The following PCDH7 variants were observed in gnomAD, a reference collection of about 807,000 sequenced individuals.
The protein encoded by PCDH7 is protocadherin-7.
PCDH7 carries 17 observed loss-of-function variants against 58.9 expected under a neutral mutation model. That is an observed-to-expected ratio of 0.29 (90% CI 0.20 to 0.43). The LOEUF (loss-of-function observed/expected upper bound fraction) is 0.43, where lower values mean the gene tolerates loss of function less well. Among genes scored for constraint, PCDH7 ranks in the 20% least tolerant of loss-of-function variants. The pLI, the probability that PCDH7 is intolerant of heterozygous loss-of-function variation, is 1.00. For missense variants in PCDH7, 1,274 were observed against 1,441.0 expected, an observed-to-expected ratio of 0.88 and a Z score of 1.88; for synonymous variants, 664 against 616.4, an observed-to-expected ratio of 1.08 and a Z score of -1.14.
intron 1 of PCDH7, among the ~76,000 whole-genome samples, chr4:30,829,864 G>A (rs1729558834): frequency 6.6e-6 from 1 of 152,010 alleles, no homozygotes; most frequent in Non-Finnish European, 1.5e-5. Context: ...GTTGTTATAT[G>A]GACCACTTTA....
At chr4:31,062,875 C>T (rs1048218717) in intron 3 of PCDH7, among the ~76,000 whole-genome samples, 1 of 151,652 alleles carries the variant, frequency 6.6e-6, no homozygotes, top group East Asian at 1.9e-4. Context: ...AAGGAACCAC[C>T]AAGTTTTGTT....
intron 1 of PCDH7, among the ~76,000 whole-genome samples, chr4:30,917,361 T>C (rs1026379796): frequency 3.3e-5 from 5 of 152,148 alleles, no homozygotes; most frequent in Non-Finnish European, 7.4e-5. Context: ...AAATTTATTA[T>C]TCAAAACTGT....
intron 2 of PCDH7, among the ~76,000 whole-genome samples, chr4:30,927,665 C>T (rs539103857): frequency 1.3e-5 from 2 of 152,028 alleles, no homozygotes; most frequent in Non-Finnish European, 1.5e-5. Context: ...GCAGCATGCT[C>T]GTTAAGAGTC....
In PCDH7 at chr4:30,815,166, A is replaced by ATCCT. The variant is rs1337366300; in HGVS notation, c.70+90572_70+90573insCTTC. Among the ~76,000 whole-genome samples the ATCCT allele has an allele frequency of 1.1e-3, 164 of 151,876 alleles. 2 individuals carry two copies. The highest frequency in any genetic ancestry group is 3.8e-3 in the African/African-American group (156 of 41,466). ...TATAAATTATAATGAAAAAAGAAGGATCTTTTTTCATTATAATTTATATAT... is the reference window on the plus strand; with the variant it reads ...TATAAATTATAATGAAAAAAGAAGGATCCTTCTTTTTTCATTATAATTTATATAT... On this transcript the variant is annotated intron_variant, in intron 1 of 3. Coordinates refer to the PCDH7 transcript ENST00000509759.
chr4:31,061,685 T>C (rs1757702951), intron 3 of PCDH7, among the ~76,000 whole-genome samples: 1 of 151,718 alleles, frequency 6.6e-6, no homozygotes. Flanking sequence ...TTAAATTCAG[T>C]GTAACAGAAT....
At chr4:30,912,843 T>C (rs912567345) in intron 1 of PCDH7, among the ~76,000 whole-genome samples, 2 of 152,144 alleles carry the variant, frequency 1.3e-5, no homozygotes, top group African/African-American at 4.8e-5. Flanking sequence ...ATATTTTCTG[T>C]TTTACTGTAA....
chr4:30,909,998 A>G (rs1741518124), intron 1 of PCDH7, among the ~76,000 whole-genome samples: 1 of 152,166 alleles, frequency 6.6e-6, no homozygotes, highest in Admixed American at 6.5e-5. Flanking sequence ...ATGGAACAGA[A>G]TGGAGGCCTC....
At chr4:31,143,531 A>G (rs940408970), downstream of PCDH7, 8 of 152,230 alleles carry the variant, frequency 5.3e-5, no homozygotes, top group African/African-American at 1.9e-4. Context: ...GGTCAAGAGC[A>G]TCAACTTCAA....
At chr4:30,947,171 A>G (rs1468216227) in intron 2 of PCDH7, among the ~76,000 whole-genome samples, 4 of 152,156 alleles carry the variant, frequency 2.6e-5, no homozygotes, top group Non-Finnish European at 4.4e-5. Context: ...TACCATGATC[A>G]TACATTTTTC....
intron 3 of PCDH7, among the ~76,000 whole-genome samples, chr4:31,000,347 T>C (rs762244683): frequency 7.2e-5 from 11 of 152,268 alleles, no homozygotes; most frequent in African/African-American, 2.6e-4. Context: ...TAGGAAAGTC[T>C]GAAATATATA....
At chr4:30,995,147 T>C (rs2109129111) in intron 3 of PCDH7, among the ~76,000 whole-genome samples, 1 of 152,340 alleles carries the variant, frequency 6.6e-6, no homozygotes, top group South Asian at 2.1e-4. Context: ...TGTTCTTATG[T>C]GGGATTTACA....
At chr4:30,926,797 C>G (rs1743931764) in intron 2 of PCDH7, among the ~76,000 whole-genome samples, 1 of 152,118 alleles carries the variant, frequency 6.6e-6, no homozygotes, top group Non-Finnish European at 1.5e-5. Flanking sequence ...ACATTCTTTT[C>G]TCTTTTTTTA....
intron 3 of PCDH7, among the ~76,000 whole-genome samples, chr4:31,078,212 C>A (rs1010789026): frequency 3.3e-5 from 5 of 152,060 alleles, no homozygotes; most frequent in Non-Finnish European, 1.5e-5. Context: ...CTTATGTGAA[C>A]CTTTCAAAAG....
At chr4:31,071,591 G>A (rs1758549434) in intron 3 of PCDH7, among the ~76,000 whole-genome samples, 1 of 151,904 alleles carries the variant, frequency 6.6e-6, no homozygotes, top group Admixed American at 6.6e-5. Flanking sequence ...TTGATGTTTG[G>A]CAAATCAATT....
intron 1 of PCDH7, among the ~76,000 whole-genome samples, chr4:30,750,125 A>G (rs1444569648): frequency 6.6e-6 from 1 of 152,280 alleles, no homozygotes; most frequent in Non-Finnish European, 1.5e-5. Flanking sequence ...AGATAATGCC[A>G]TGTTAGGGAA....
chr4:30,923,024 TA>T (rs1325461643), intron 2 of PCDH7, among the ~76,000 whole-genome samples: 1 of 152,174 alleles, frequency 6.6e-6, no homozygotes, highest in Non-Finnish European at 1.5e-5. Flanking sequence ...TTGTCACATT[TA>T]ATTGGAATCC....
At chr4:31,139,627 A>T (rs1578901696) in intron 3 of PCDH7, among the ~76,000 whole-genome samples, 2 of 152,332 alleles carry the variant, frequency 1.3e-5, no homozygotes, top group East Asian at 3.9e-4. Context: ...AAAATAAGAA[A>T]ATATGTAAAC....
intron 3 of PCDH7, among the ~76,000 whole-genome samples, chr4:30,967,398 T>C (rs7672083): frequency 0.037 from 5,606 of 152,204 alleles, 314 homozygotes; most frequent in African/African-American, 0.12. Flanking sequence ...TTCTCGTGGT[T>C]GATATTATTT....
chr4:31,126,291 G>A (rs1420762562), intron 3 of PCDH7, among the ~76,000 whole-genome samples: 1 of 151,842 alleles, frequency 6.6e-6, no homozygotes, highest in Non-Finnish European at 1.5e-5. Flanking sequence ...GTGTAGCTAG[G>A]ATTACAGGTG....
Sources: gnomAD v4.1 joint callset for allele counts (sites outside exome capture counted in the v4.1 genomes callset) on GRCh38, gnomAD v4.1.1 for gene constraint, MANE v1.5 for transcripts, NCBI Gene and HGNC (gene_info 2026-07-23, HGNC 2026-07-21) for gene names.